The following NELL2 variants were observed in gnomAD, a reference collection of about 807,000 sequenced individuals.
The protein encoded by NELL2 is neural EGFL like 2.
In NELL2, 41 loss-of-function variants were observed where a neutral mutation model predicts 109.6. That is an observed-to-expected ratio of 0.37 (90% confidence interval 0.29 to 0.49). NELL2 has a LOEUF of 0.49. Ranked by LOEUF, NELL2 falls within the 20% of genes least tolerant of loss-of-function variation. The pLI is 0.98. For missense variants in NELL2, 900 were observed against 1,008.3 expected, an observed-to-expected ratio of 0.89 and a Z score of 1.45; for synonymous variants, 355 against 344.7, an observed-to-expected ratio of 1.03 and a Z score of -0.33.
intron 1 of NELL2, among the ~76,000 whole-genome samples, chr12:44,910,041 A>G (rs1314779992): frequency 6.6e-6 from 1 of 151,936 alleles, no homozygotes; most frequent in African/African-American, 2.4e-5. Flanking sequence ...TAGAAGAAAC[A>G]TAGGAAACAC....
chr12:44,681,613 T>G lies in NELL2; in HGVS notation c.1319-16004A>C, dbSNP rs1310837903. ...CCCCAGACTGTGATGTTCCCCTCCC[T>G]GTGTCCATGTGTTCTCACTGTTCAA... is the stretch of plus-strand genomic sequence containing the variant. On this transcript the variant is annotated intron_variant, in intron 12 of 19. Transcript: ENST00000429094. 4.0e-5 allele frequency among the ~76,000 whole-genome samples: 6 copies of G among 149,624 alleles called. No homozygotes were observed. The East Asian group carries it at 1.2e-3, about 31-fold the overall frequency.
At chr12:44,737,895 A>AG (rs1183201868) in intron 9 of NELL2, among the ~76,000 whole-genome samples, 1 of 152,128 alleles carries the variant, frequency 6.6e-6, no homozygotes, top group Non-Finnish European at 1.5e-5. Flanking sequence ...GCTGCAAAAA[A>AG]AAAAAATGTA....
At chr12:44,682,601 T>C (rs1207778240) in intron 12 of NELL2, among the ~76,000 whole-genome samples, 1 of 152,200 alleles carries the variant, frequency 6.6e-6, no homozygotes, top group Non-Finnish European at 1.5e-5. Flanking sequence ...TTGTATAAGG[T>C]GTAAGGAAGG....
intron 2 of NELL2, among the ~76,000 whole-genome samples, chr12:44,858,305 C>G (rs2658965): frequency 0.8 from 121,475 of 152,104 alleles, 48,959 homozygotes; most frequent in Middle Eastern, 0.94. Context: ...TTACCTCCAT[C>G]ATTCCTTCCC....
chr12:44,580,118 T>A (rs1944269428), intron 15 of NELL2, among the ~76,000 whole-genome samples: 1 of 152,136 alleles, frequency 6.6e-6, no homozygotes, highest in Non-Finnish European at 1.5e-5. Flanking sequence ...AGAGAAAATC[T>A]CTCCAAAGGT....
chr12:44,782,287 T>A (rs1434304540), intron 3 of NELL2, among the ~76,000 whole-genome samples: 1 of 151,118 alleles, frequency 6.6e-6, no homozygotes, highest in Non-Finnish European at 1.5e-5. Flanking sequence ...CTCATAAACA[T>A]ACAGATAAAA....
At chr12:44,847,603 A>C (rs1944409082) in intron 2 of NELL2, among the ~76,000 whole-genome samples, 1 of 150,832 alleles carries the variant, frequency 6.6e-6, no homozygotes. Context: ...TTCCACAATG[A>C]CACCAAGGGA....
At chr12:44,555,603 A>G (rs534483956) in intron 15 of NELL2, among the ~76,000 whole-genome samples, 2 of 152,296 alleles carry the variant, frequency 1.3e-5, no homozygotes, top group South Asian at 2.1e-4. Flanking sequence ...TCAGAATTGA[A>G]TCACAATAAC....
At chr12:44,739,865 G>A (rs1399500104) in intron 9 of NELL2, among the ~76,000 whole-genome samples, 1 of 152,086 alleles carries the variant, frequency 6.6e-6, no homozygotes, top group African/African-American at 2.4e-5. Flanking sequence ...ACTCCAGCAT[G>A]GGTGACACAG....
chr12:44,866,688 G>A (rs1167750707), intron 2 of NELL2, among the ~76,000 whole-genome samples: 2 of 151,880 alleles, frequency 1.3e-5, no homozygotes, highest in Non-Finnish European at 2.9e-5. Flanking sequence ...GAAACAGAGA[G>A]TTGTTTTCTA....
At chr12:44,815,783 T>TA (rs1943325307) in intron 3 of NELL2, 5 of 464,972 alleles carry the variant, frequency 1.1e-5, no homozygotes, top group Non-Finnish European at 1.8e-5. Flanking sequence ...CAAGCCCAGC[T>TA]AATTTTTGTA....
intron 15 of NELL2, among the ~76,000 whole-genome samples, chr12:44,583,554 CCAT>C (rs566823570): frequency 8.4e-4 from 128 of 152,182 alleles, no homozygotes; most frequent in Non-Finnish European, 1.6e-3. Flanking sequence ...TAGACATTTA[CCAT>C]ATGTCATGAA....
intron 9 of NELL2, among the ~76,000 whole-genome samples, chr12:44,759,464 G>C (rs1324096911): frequency 1.3e-5 from 2 of 152,108 alleles, no homozygotes; most frequent in Admixed American, 1.3e-4. Context: ...AGATGACATG[G>C]AAAGATGCTC....
intron 12 of NELL2, among the ~76,000 whole-genome samples, chr12:44,684,161 C>G (rs1216222850): frequency 6.6e-6 from 1 of 152,148 alleles, no homozygotes; most frequent in Non-Finnish European, 1.5e-5. Context: ...CTGCATGTGT[C>G]GAGGAATTTA....
chr12:44,749,307 T>C (rs116753357), intron 9 of NELL2, among the ~76,000 whole-genome samples: 2,308 of 152,310 alleles, frequency 0.015, 49 homozygotes, highest in African/African-American at 0.053. Flanking sequence ...TTATTATACA[T>C]ATTCAATATT....
intron 3 of NELL2, among the ~76,000 whole-genome samples, chr12:44,800,875 A>G (rs114478332): frequency 0.015 from 2,277 of 152,300 alleles, 55 homozygotes; most frequent in African/African-American, 0.051. Flanking sequence ...ACAAAGTCAC[A>G]CGGGACAGAG....
chr12:44,722,158 T>C (rs1938809619), intron 9 of NELL2, among the ~76,000 whole-genome samples: 2 of 151,838 alleles, frequency 1.3e-5, no homozygotes, highest in South Asian at 4.2e-4. Flanking sequence ...GCAAGAATGG[T>C]AACACCTGGT....
intron 15 of NELL2, among the ~76,000 whole-genome samples, chr12:44,606,556 C>T (rs7304431): frequency 0.31 from 46,365 of 151,844 alleles, 7,345 homozygotes; most frequent in East Asian, 0.5. Context: ...CATTGGACAA[C>T]GTATTTTACT....
In NELL2 at chr12:44,777,040, A is replaced by AC; in HGVS notation, c.762+1dup. 6.2e-7 allele frequency: 1 copy of AC among 1,613,680 alleles called. No homozygotes were observed. The highest frequency in any genetic ancestry group is 8.5e-7 in the Non-Finnish European group (1 of 1,179,596). On this transcript the variant is annotated splice_donor_variant, in intron 7 of 19. Transcript: ENST00000429094. LOFTEE classifies it high-confidence loss of function. ...CACACTGTATTCTTGAGTAGCTTTT[A>AC]CCTTGGCTGATGTTTTGGCTAAAAT...
Sources: gnomAD v4.1 joint callset for allele counts (sites outside exome capture counted in the v4.1 genomes callset) on GRCh38, gnomAD v4.1.1 for gene constraint, MANE v1.5 for transcripts, NCBI Gene and HGNC (gene_info 2026-07-23, HGNC 2026-07-21) for gene names.